The following PTPRM variants were observed in gnomAD, a reference collection of about 807,000 sequenced individuals.
The protein encoded by PTPRM is receptor-type tyrosine-protein phosphatase mu.
Under a neutral mutation model 186.7 loss-of-function variants are expected in PTPRM, and 47 were observed. The ratio of observed to expected loss-of-function variants is 0.25; its 90% CI spans 0.20 to 0.32. PTPRM has a LOEUF of 0.32. Among genes scored for constraint, PTPRM ranks in the 10% least tolerant of loss-of-function variants. The pLI is 1.00. For missense variants in PTPRM, 1,494 were observed against 1,865.0 expected (o/e 0.80, Z 3.66); for synonymous variants, 668 against 674.9 (o/e 0.99, Z 0.16).
At chr18:7,884,924 C>CAAAAAAAAAAAAAAAAAA (rs56724615) in intron 2 of PTPRM, among the ~76,000 whole-genome samples, 4 of 37,848 alleles carry the variant, frequency 1.1e-4, no homozygotes, top group Non-Finnish European at 1.9e-4. Context: ...AGCTCCATCT[C>CAAAAAAAAAAAAAAAAAA]AAAAAAAAAA....
chr18:7,729,476 AC>A (rs2040613544), intron 1 of PTPRM, among the ~76,000 whole-genome samples: 1 of 152,182 alleles, frequency 6.6e-6, no homozygotes, highest in African/African-American at 2.4e-5. Flanking sequence ...ATTTTCTGCT[AC>A]AGACAGAACT....
chr18:7,793,867 G>A (rs1238411233), intron 2 of PTPRM, among the ~76,000 whole-genome samples: 2 of 152,082 alleles, frequency 1.3e-5, no homozygotes, highest in African/African-American at 4.8e-5. Flanking sequence ...CAAGCAGCTG[G>A]ACATCGAGGG....
intron 14 of PTPRM, among the ~76,000 whole-genome samples, chr18:8,241,561 G>T (rs893016606): frequency 9.9e-5 from 15 of 152,246 alleles, no homozygotes; most frequent in Non-Finnish European, 4.4e-5. Context: ...TTGATATAAA[G>T]TCGGGTCTAG....
chr18:8,003,413 C>A (rs1217830757), intron 7 of PTPRM, among the ~76,000 whole-genome samples: 3 of 152,180 alleles, frequency 2.0e-5, no homozygotes, highest in Non-Finnish European at 4.4e-5. Context: ...TGTTTATTAG[C>A]AGCATGAGAA....
chr18:7,756,427 C>A (rs1385388935), intron 1 of PTPRM, among the ~76,000 whole-genome samples: 1 of 152,130 alleles, frequency 6.6e-6, no homozygotes, highest in Non-Finnish European at 1.5e-5. Flanking sequence ...TCTCGGATAT[C>A]AATTTGAGGA....
intron 7 of PTPRM, chr18:8,049,487 A>G (rs1390930184): frequency 6.6e-6 from 1 of 152,188 alleles, no homozygotes; most frequent in African/African-American, 2.4e-5. Context: ...CAAAGAGTTG[A>G]TTTATGATCT....
chr18:8,015,770 T>G (rs1329751467), intron 7 of PTPRM, among the ~76,000 whole-genome samples: 6 of 152,192 alleles, frequency 3.9e-5, no homozygotes, highest in African/African-American at 1.4e-4. Flanking sequence ...TTTATCATTT[T>G]TAAACCTTTT....
chr18:7,997,472 G>A (rs1235706629), intron 7 of PTPRM, among the ~76,000 whole-genome samples: 1 of 152,060 alleles, frequency 6.6e-6, no homozygotes, highest in Non-Finnish European at 1.5e-5. Flanking sequence ...TCATTGGTCT[G>A]GGCAAATATT....
intron 20 of PTPRM, among the ~76,000 whole-genome samples, chr18:8,306,148 C>T (rs868444791): frequency 7.2e-5 from 11 of 152,262 alleles, no homozygotes; most frequent in Middle Eastern, 3.4e-3. Context: ...CCGCCCACCT[C>T]GGCCTCCCAA....
chr18:8,359,835 C>T (rs2095586018), intron 23 of PTPRM, among the ~76,000 whole-genome samples: 1 of 152,250 alleles, frequency 6.6e-6, no homozygotes, highest in Non-Finnish European at 1.5e-5. Context: ...TTGTTCTGCT[C>T]ACGAGCCCTT....
intron 5 of PTPRM, among the ~76,000 whole-genome samples, chr18:7,930,255 A>C (rs1168000613): frequency 3.9e-5 from 6 of 151,994 alleles, no homozygotes; most frequent in Non-Finnish European, 7.4e-5. Flanking sequence ...TTTTTTGTAG[A>C]AACAGGTTTT....
chr18:8,244,332 CT>C, intron 15 of PTPRM, 123 bp downstream of exon 15: 1 of 987,512 alleles, frequency 1.0e-6, no homozygotes, highest in Non-Finnish European at 1.4e-6. Flanking sequence ...GTGTTGGTTT[CT>C]TCAGTCATTT....
At chr18:7,977,759 G>A (rs2055052685) in intron 7 of PTPRM, among the ~76,000 whole-genome samples, 2 of 119,478 alleles carry the variant, frequency 1.7e-5, no homozygotes, top group African/African-American at 6.9e-5. Context: ...CAAAGCTCAT[G>A]TTGCTTTGTG....
chr18:7,688,023 G>A (rs181306294), intron 1 of PTPRM, among the ~76,000 whole-genome samples: 32 of 151,996 alleles, frequency 2.1e-4, no homozygotes, highest in Admixed American at 4.6e-4. Context: ...TGATCCGCCC[G>A]TCTCAGCTTC....
chr18:7,810,292 C>A (rs1360493888), intron 2 of PTPRM, among the ~76,000 whole-genome samples: 1 of 152,162 alleles, frequency 6.6e-6, no homozygotes, highest in Admixed American at 6.5e-5. Context: ...ACTGAATTTT[C>A]CCCTGGTAGC....
chr18:8,243,694 C>T (rs897113989), intron 14 of PTPRM, among the ~76,000 whole-genome samples: 20 of 152,266 alleles, frequency 1.3e-4, no homozygotes, highest in African/African-American at 4.1e-4. Flanking sequence ...ACAATAATTT[C>T]GTAAAAACTT....
chr18:7,779,998 C>T (rs946492111), intron 2 of PTPRM, among the ~76,000 whole-genome samples: 4 of 152,058 alleles, frequency 2.6e-5, no homozygotes, highest in East Asian at 1.9e-4. Context: ...TTTCTAGTGG[C>T]GAGTATTTAA....
At chr18:7,819,392 A>G (rs1277841062) in intron 2 of PTPRM, among the ~76,000 whole-genome samples, 3 of 152,246 alleles carry the variant, frequency 2.0e-5, no homozygotes, top group Non-Finnish European at 4.4e-5. Context: ...TGTTGAGGGG[A>G]GCACACTGGC....
intron 14 of PTPRM, among the ~76,000 whole-genome samples, chr18:8,213,076 A>G (rs2094029204): frequency 6.6e-6 from 1 of 152,244 alleles, no homozygotes; most frequent in African/African-American, 2.4e-5. Flanking sequence ...GATGTGACGG[A>G]CAGAGCTTGA....
Sources: allele counts gnomAD v4.1 joint callset (sites outside exome capture counted in the v4.1 genomes callset), GRCh38; gene constraint gnomAD v4.1.1; transcripts MANE v1.5; gene names NCBI Gene and HGNC (gene_info 2026-07-23, HGNC 2026-07-21).